Variants in RUNX2 observed in about 807,000 individuals in gnomAD.
RUNX2 encodes runt-related transcription factor 2.
A neutral mutation model predicts 51.7 loss-of-function variants in RUNX2; 10 were observed. That is an observed-to-expected ratio of 0.19 (90% CI 0.12 to 0.33). The LOEUF (loss-of-function observed/expected upper bound fraction) is 0.33, where lower values mean the gene tolerates loss of function less well. Ranked by LOEUF, RUNX2 falls within the 10% of genes least tolerant of loss-of-function variation. The pLI is 1.00. For missense variants in RUNX2, 562 were observed against 691.3 expected, an observed-to-expected ratio of 0.81 and a Z score of 2.10; for synonymous variants, 276 against 273.6, an observed-to-expected ratio of 1.01 and a Z score of -0.09.
chr6:45,492,870 T>C (rs1800526829), intron 6 of RUNX2, among the ~76,000 whole-genome samples: 1 of 152,172 alleles, frequency 6.6e-6, no homozygotes, highest in Non-Finnish European at 1.5e-5. Flanking sequence ...TTATAAATCT[T>C]TAATTTGCAG....
At chr6:45,505,541 C>A (rs1251410202) in intron 6 of RUNX2, among the ~76,000 whole-genome samples, 1 of 152,032 alleles carries the variant, frequency 6.6e-6, no homozygotes, top group East Asian at 1.9e-4. Context: ...TTTTGTTCCC[C>A]ATACCAGTGA....
chr6:45,402,984 A>G (rs150289513), intron 2 of RUNX2, among the ~76,000 whole-genome samples: 64 of 152,308 alleles, frequency 4.2e-4, no homozygotes, highest in African/African-American at 1.5e-3. Flanking sequence ...TATCACATAT[A>G]TAGCAAAAAC....
intron 4 of RUNX2, among the ~76,000 whole-genome samples, chr6:45,434,681 GT>G (rs1798632978): frequency 6.6e-6 from 1 of 152,012 alleles, no homozygotes; most frequent in Non-Finnish European, 1.5e-5. Context: ...AAAGAGAAGT[GT>G]TTAAAATGAT....
intron 2 of RUNX2, among the ~76,000 whole-genome samples, chr6:45,414,184 T>C (rs1033551990): frequency 6.6e-6 from 1 of 152,154 alleles, no homozygotes; most frequent in Non-Finnish European, 1.5e-5. Flanking sequence ...TGGGCTGTAA[T>C]AGCGAGGAAA....
intron 2 of RUNX2, among the ~76,000 whole-genome samples, chr6:45,400,185 AT>A (rs1797681579): frequency 1.4e-5 from 2 of 138,890 alleles, no homozygotes; most frequent in African/African-American, 2.7e-5. Context: ...GAAGGAGGGA[AT>A]GAGGGAAGGA....
At chr6:45,546,207 C>T (rs987153090) in intron 8 of RUNX2, among the ~76,000 whole-genome samples, 1 of 152,080 alleles carries the variant, frequency 6.6e-6, no homozygotes, top group Non-Finnish European at 1.5e-5. Flanking sequence ...ATGACCCTCC[C>T]TATCCACCCC....
chr6:45,496,803 A>C (rs73737441), intron 6 of RUNX2, among the ~76,000 whole-genome samples: 9,497 of 152,288 alleles, frequency 0.062, 412 homozygotes, highest in African/African-American at 0.11. Context: ...TAAACAAAGA[A>C]GCAGAATTAT....
intron 2 of RUNX2, among the ~76,000 whole-genome samples, chr6:45,329,857 C>T (rs1448874681): frequency 6.6e-6 from 1 of 151,876 alleles, no homozygotes; most frequent in Non-Finnish European, 1.5e-5. Flanking sequence ...TGATCTCCAA[C>T]ATGTTCCAAC....
chr6:45,411,451 C>G (rs1032870649), intron 2 of RUNX2, among the ~76,000 whole-genome samples: 1 of 152,044 alleles, frequency 6.6e-6, no homozygotes, highest in African/African-American at 2.4e-5. Flanking sequence ...TTTGCCATAT[C>G]TCTGCCTAGA....
At chr6:45,359,687 T>C (rs563124870) in intron 2 of RUNX2, among the ~76,000 whole-genome samples, 3 of 152,194 alleles carry the variant, frequency 2.0e-5, no homozygotes, top group Non-Finnish European at 4.4e-5. Flanking sequence ...TGGTTACTGA[T>C]ATGCCCTTGC....
chr6:45,331,188 T>C (rs1787435682), intron 2 of RUNX2, among the ~76,000 whole-genome samples: 1 of 151,930 alleles, frequency 6.6e-6, no homozygotes, highest in Non-Finnish European at 1.5e-5. Context: ...CTCAGCATAC[T>C]TCACTTTGAG....
At chr6:45,485,456 C>G (rs1800245391) in intron 5 of RUNX2, among the ~76,000 whole-genome samples, 1 of 151,608 alleles carries the variant, frequency 6.6e-6, no homozygotes, top group Non-Finnish European at 1.5e-5. Flanking sequence ...CTCGCCTCGG[C>G]CTCCCAAAGT....
At chr6:45,543,533 G>A (rs1802297287) in intron 7 of RUNX2, among the ~76,000 whole-genome samples, 1 of 152,170 alleles carries the variant, frequency 6.6e-6, no homozygotes, top group Non-Finnish European at 1.5e-5. Flanking sequence ...GAGTGGCTGA[G>A]CTTTGGTTTT....
chr6:45,494,730 C>A lies in RUNX2; in HGVS notation c.859+2616C>A, dbSNP rs1292528477. On this transcript the variant is annotated intron_variant, in intron 6 of 8. Coordinates refer to ENST00000647337, the MANE Select transcript of RUNX2 (RefSeq NM_001024630.4). The stretch of plus-strand genomic sequence containing the variant: ...CAATTTTTAAAGGAAAGCCCAGGAA[C>A]ATCTGGAGCAGCAGCAATGCGAAAA... 3.9e-5 allele frequency among the ~76,000 whole-genome samples: 6 copies of A among 152,174 alleles called. No homozygotes were observed. The East Asian group carries it at 1.2e-3, about 29-fold the overall frequency.
chr6:45,476,851 TC>T (rs924952807), intron 5 of RUNX2, among the ~76,000 whole-genome samples: 54 of 152,272 alleles, frequency 3.5e-4, no homozygotes, highest in African/African-American at 1.3e-3. Context: ...ATAATGAATA[TC>T]ATTAGAGGTA....
At chr6:45,343,928 T>C (rs1175471883) in intron 2 of RUNX2, among the ~76,000 whole-genome samples, 2 of 152,222 alleles carry the variant, frequency 1.3e-5, no homozygotes, top group African/African-American at 4.8e-5. Context: ...AGGCTTTCAT[T>C]TTATAACCAG....
chr6:45,466,840 A>T (rs1333883072), intron 5 of RUNX2, among the ~76,000 whole-genome samples: 2 of 152,216 alleles, frequency 1.3e-5, no homozygotes, highest in Non-Finnish European at 2.9e-5. Flanking sequence ...GATTCAGTTC[A>T]TTTATTCGAC....
At chr6:45,367,678 T>C (rs185239629) in intron 2 of RUNX2, among the ~76,000 whole-genome samples, 2 of 152,300 alleles carry the variant, frequency 1.3e-5, no homozygotes, top group African/African-American at 4.8e-5. Context: ...CAGAAAGTTA[T>C]GATTTGAGTT....
Position 45,371,359 on chromosome 6 carries a change from G to A in RUNX2, c.58+42575G>A, listed in dbSNP as rs538273364. 3.3e-5 allele frequency among the ~76,000 whole-genome samples: 5 copies of A among 151,236 alleles called. No homozygotes were observed. In the East Asian group the frequency reaches 9.7e-4, roughly 29 times the overall value. ...GGCATGTAAAAAATAGAGGAATTTG[G>A]AGTTTATAAAGGGTACTTCACCAGT... On this transcript the variant is annotated intron_variant, in intron 2 of 8. Coordinates refer to ENST00000647337, the MANE Select transcript of RUNX2 (RefSeq NM_001024630.4).
Sources: allele counts gnomAD v4.1 joint callset (sites outside exome capture counted in the v4.1 genomes callset), GRCh38; gene constraint gnomAD v4.1.1; transcripts MANE v1.5; gene names NCBI Gene and HGNC (gene_info 2026-07-23, HGNC 2026-07-21).